Variants in PECAM1 observed in about 807,000 individuals in gnomAD.
PECAM1 encodes platelet endothelial cell adhesion molecule.
PECAM1 carries 8 observed loss-of-function variants against 13.8 expected under a neutral mutation model. The observed-to-expected ratio is 0.58, with a 90% CI of 0.34 to 1.05. The LOEUF (loss-of-function observed/expected upper bound fraction) is 1.05, where lower values mean the gene tolerates loss of function less well. Among genes scored for constraint, PECAM1 ranks in the 50% least tolerant of loss-of-function variants. The pLI is 0.03. For missense variants in PECAM1, 304 were observed against 141.2 expected (o/e 2.15, Z -5.84); for synonymous variants, 136 against 52.6 (o/e 2.58, Z -6.86).
chr17:64,353,674 A>C (rs2035783503), intron 9 of PECAM1, among the ~76,000 whole-genome samples, 156 bp from the exon 10 acceptor site: 1 of 151,998 alleles, frequency 6.6e-6, no homozygotes, highest in Non-Finnish European at 1.5e-5. Flanking sequence ...GTGAAGGAAC[A>C]CTCTTTTCAG....
At chr17:64,353,404 T>G (rs2143784442) in intron 10 of PECAM1, 87 bp downstream of exon 10, 1 of 421,044 alleles carries the variant, frequency 2.4e-6, no homozygotes, top group South Asian at 1.2e-4. Flanking sequence ...CAAGAGCCAC[T>G]GAAAACTTCC....
intron 15 of PECAM1, 57 bp from the exon 16 acceptor site, chr17:64,323,902 C>T: frequency 1.3e-6 from 1 of 790,158 alleles, no homozygotes; most frequent in Non-Finnish European, 2.3e-6. Flanking sequence ...TTGAAGATTG[C>T]CCTGGTGGAG....
At chr17:64,382,623 T>C (rs2143897743) in intron 2 of PECAM1, among the ~76,000 whole-genome samples, 1 of 152,146 alleles carries the variant, frequency 6.6e-6, no homozygotes, top group Admixed American at 6.6e-5. Context: ...CAAGCAATCA[T>C]CCCGCCTCAG....
Position 64,322,653 on chromosome 17 carries a change from C to A in PECAM1, c.*1163G>T. The A allele has an allele frequency of 4.1e-6, 4 of 985,398 alleles. No individual in the cohort carries two copies. The highest frequency in any genetic ancestry group is 4.8e-6 in the Non-Finnish European group (4 of 829,906). 61.0% of individuals were successfully genotyped at this position (985,398 alleles called of 1,614,324 possible). On this transcript the variant is annotated 3_prime_UTR_variant, in exon 16 of 16. Transcript: ENST00000563924. ...GCAATGACAGCAGCCTCTCTCCCAC[C>A]CACTCAAGACACTGTCAGGAATGTC...
intron 3 of PECAM1, 183 bp downstream of exon 3, chr17:64,377,641 G>GAAGGAAGGAA (rs1598050577): frequency 1.1e-4 from 46 of 405,658 alleles, no homozygotes; most frequent in South Asian, 3.2e-4. Flanking sequence ...AGGAAGGAAG[G>GAAGGAAGGAA]GCCTGGCCTA....
intron 2 of PECAM1, among the ~76,000 whole-genome samples, chr17:64,384,587 A>G (rs1372845866): frequency 2.0e-5 from 3 of 152,210 alleles, no homozygotes; most frequent in African/African-American, 7.2e-5. Context: ...TGTGGAAGGT[A>G]CCCAGGATGA....
intron 2 of PECAM1, among the ~76,000 whole-genome samples, chr17:64,381,895 G>T (rs1425773853): frequency 6.6e-6 from 1 of 152,170 alleles, no homozygotes; most frequent in Non-Finnish European, 1.5e-5. Flanking sequence ...GAGGTCAGGA[G>T]TTCAAGACCA....
chr17:64,365,194 C>A (rs2036075990), intron 5 of PECAM1, among the ~76,000 whole-genome samples: 1 of 150,798 alleles, frequency 6.6e-6, no homozygotes, highest in South Asian at 2.1e-4. Flanking sequence ...AAACAGAGAG[C>A]CAAATCATGA....
At chr17:64,325,249 G>A (rs1368810334) in intron 15 of PECAM1, among the ~76,000 whole-genome samples, 7 of 152,166 alleles carry the variant, frequency 4.6e-5, no homozygotes, top group East Asian at 1.9e-4. Flanking sequence ...TTAGCCGGGC[G>A]TGGTGGCGTG....
chr17:64,352,346 G>C, intron 11 of PECAM1, 44 bp downstream of exon 11: 1 of 472,282 alleles, frequency 2.1e-6, no homozygotes, highest in Non-Finnish European at 3.9e-6. Context: ...GAAGTATGTA[G>C]CAAGTTGGGG....
chr17:64,387,113 G>A (rs2036610896), intron 2 of PECAM1, among the ~76,000 whole-genome samples: 1 of 152,166 alleles, frequency 6.6e-6, no homozygotes, highest in African/African-American at 2.4e-5. Flanking sequence ...AGAGAGTGAG[G>A]AGACAAAGCA....
At chr17:64,329,812 GAA>G in intron 14 of PECAM1, 90 bp from the exon 15 acceptor site, 2 of 723,666 alleles carry the variant, frequency 2.8e-6, no homozygotes, top group Non-Finnish European at 5.2e-6. Context: ...AGCAGGTCGA[GAA>G]AAGAGGGAGG....
Position 64,353,938 on chromosome 17 carries a change from CTCT to C in PECAM1, c.1889-423_1889-421del, listed in dbSNP as rs1228527001. 2.1e-4 allele frequency among the ~76,000 whole-genome samples: 21 copies of C among 102,000 alleles called. No homozygotes were observed. In the Admixed American group the frequency reaches 3.2e-3, roughly 15 times the overall value. 66.9% of individuals were successfully genotyped at this position (102,000 alleles called of 152,430 possible). A position where few individuals can be genotyped will look rare whatever the true frequency, so the allele number is the denominator to read the frequency against. The stretch of plus-strand genomic sequence containing the variant: ...AGCAGGCAGCTCTCTTCCTCTCTCT[CTCT>C]TTTTTTTTTTTTTTTTGAGACAGAG... On this transcript the variant is annotated intron_variant, in intron 9 of 15. Coordinates refer to ENST00000563924, the MANE Select transcript of PECAM1 (RefSeq NM_000442.5).
rs1020087957 is a variant in PECAM1 at position 64,363,229 on chromosome 17, G to A, written c.1136C>T (p.Ser379Leu). 19 of 475,326 alleles carry A rather than the reference G, an allele frequency of 4.0e-5. No individual in the cohort carries two copies. The South Asian group carries it at 9.4e-4, about 24-fold the overall frequency. 29.4% of individuals were successfully genotyped at this position (475,326 alleles called of 1,614,324 possible). The change falls in exon 6 of 16, where the codon TCG (serine) becomes TTG (leucine). Residue 379 changes from serine (S) to leucine (L), a missense_variant. Ser to Leu is a moderately radical substitution (Grantham distance 145). Coordinates refer to ENST00000563924, the MANE Select transcript of PECAM1 (RefSeq NM_000442.5). Reference sequence around the variant, plus strand: ...AGTGCAGATATACGTCCCACTGTCCGACTTTGAGGCTATCTTGGTGAAATC... The same window carrying A: ...AGTGCAGATATACGTCCCACTGTCCAACTTTGAGGCTATCTTGGTGAAATC... ...TQDFTKIASK[S>L]DSGTYICTAG...
chr17:64,387,837 G>A (rs1280751956), intron 2 of PECAM1, among the ~76,000 whole-genome samples: 1 of 152,186 alleles, frequency 6.6e-6, no homozygotes. Context: ...GGCCTGAGAT[G>A]GAAGGAAGGG....
At chr17:64,379,414 C>G (rs1004284999) in intron 2 of PECAM1, among the ~76,000 whole-genome samples, 5 of 152,146 alleles carry the variant, frequency 3.3e-5, no homozygotes, top group African/African-American at 1.2e-4. Context: ...TGGTTGTGGG[C>G]AACTGCCCTG....
rs938949796 is a variant in PECAM1 at position 64,348,510 on chromosome 17, T to A, written c.2045-188A>T. 2.0e-5 allele frequency among the ~76,000 whole-genome samples: 3 copies of A among 150,898 alleles called. No individual in the cohort carries two copies. The South Asian group carries it at 6.3e-4, about 32-fold the overall frequency. On this transcript the variant is annotated intron_variant, in intron 12 of 15. Transcript: ENST00000563924. ...GCAACCTCCACCTCCCGGGTTCAAGTGATTCTCCTGCCTAAGCCTCCTGAG... is the reference window on the plus strand; with the variant it reads ...GCAACCTCCACCTCCCGGGTTCAAGAGATTCTCCTGCCTAAGCCTCCTGAG...
chr17:64,374,341 T>A (rs2036309180), intron 4 of PECAM1, among the ~76,000 whole-genome samples: 1 of 151,556 alleles, frequency 6.6e-6, no homozygotes. Flanking sequence ...AATACAAATT[T>A]AGCCAGGCAT....
At position 64,322,857 on chromosome 17, in the gene PECAM1, A is replaced by G. The variant is rs2034840204; in HGVS notation, c.*959T>C. The G allele has an allele frequency of 3.1e-6, 1 of 321,848 alleles. No individual in the cohort carries two copies. Among genetic ancestry groups the G allele is most frequent in the Non-Finnish European group, 4.5e-6 (1 of 223,430 alleles). The allele number at this position is 321,848 out of a possible 1,614,324, so 19.9% of individuals were successfully genotyped here. A position where few individuals can be genotyped will look rare whatever the true frequency, so the allele number is the denominator to read the frequency against. ...CAGCCTCTTGAGTAGCTGATACTAC[A>G]GGCATGCGCCACCACGCCCGGCTAA... On this transcript the variant is annotated 3_prime_UTR_variant, in exon 16 of 16. Transcript: ENST00000563924.
Sources: gnomAD v4.1 joint callset for allele counts (sites outside exome capture counted in the v4.1 genomes callset) on GRCh38, gnomAD v4.1.1 for gene constraint, MANE v1.5 for transcripts, NCBI Gene and HGNC (gene_info 2026-07-23, HGNC 2026-07-21) for gene names.